Variants in ARMC2 observed in about 807,000 individuals in gnomAD.
ARMC2 encodes the protein armadillo repeat containing 2, also known as armadillo repeat-containing protein 2.
ARMC2 carries 67 observed loss-of-function variants against 90.3 expected under a neutral mutation model. That is an observed-to-expected ratio of 0.74 (90% confidence interval 0.61 to 0.91). The LOEUF (loss-of-function observed/expected upper bound fraction) is 0.91. ARMC2 is among the 40% of genes least tolerant of loss of function. ARMC2 has a pLI of 0.00. For synonymous variants in ARMC2, 393 were observed against 393.0 expected, an observed-to-expected ratio of 1.00 and a Z score of 0.00; for missense variants, 920 against 1,030.9, an observed-to-expected ratio of 0.89 and a Z score of 1.47.
At chr6:109,016,476 A>G in the ARMC2 span, among the ~76,000 whole-genome samples, 1 of 152,138 alleles carries the variant, frequency 6.6e-6, no homozygotes, top group Non-Finnish European at 1.5e-5. Flanking sequence ...TTGCTTTCCA[A>G]GAGGGTATTA....
At chr6:108,984,716 A>C in the ARMC2 span, among the ~76,000 whole-genome samples, 1 of 152,178 alleles carries the variant, frequency 6.6e-6, no homozygotes, top group Non-Finnish European at 1.5e-5. Context: ...ATTCATTGTT[A>C]GTGTATAGAA....
chr6:109,015,474 G>C, the ARMC2 span, among the ~76,000 whole-genome samples: 1 of 152,180 alleles, frequency 6.6e-6, no homozygotes, highest in Non-Finnish European at 1.5e-5. Flanking sequence ...TTGTAACCAA[G>C]TTTGGCTTTA....
the ARMC2 span, among the ~76,000 whole-genome samples, chr6:108,980,816 G>A: frequency 7.2e-5 from 11 of 152,132 alleles, no homozygotes; most frequent in African/African-American, 1.9e-4. Flanking sequence ...CTTGAACCTC[G>A]GAGGTGGAGG....
At chr6:109,052,962 T>C in the ARMC2 span, among the ~76,000 whole-genome samples, 1 of 152,134 alleles carries the variant, frequency 6.6e-6, no homozygotes, top group Non-Finnish European at 1.5e-5. Flanking sequence ...ATCAATAAAG[T>C]AATTGAAAGT....
chr6:108,875,212 A>G lies in ARMC2; in HGVS notation c.464-931A>G, dbSNP rs73524098. Among the ~76,000 whole-genome samples the G allele has an allele frequency of 5.4e-3, 820 of 152,308 alleles. 6 individuals carry two copies. The highest frequency in any genetic ancestry group is 0.019 in the African/African-American group (780 of 41,550). ...GGAAATGTTATATTATTATATGTCT[A>G]AGAATCTGCAGTCATGAGCAAAAAG... is the stretch of plus-strand genomic sequence containing the variant. On this transcript the variant is annotated intron_variant, in intron 4 of 17. Coordinates refer to ENST00000392644, the MANE Select transcript of ARMC2 (RefSeq NM_032131.6).
At chr6:108,994,296 T>G in the ARMC2 span, among the ~76,000 whole-genome samples, 7 of 152,292 alleles carry the variant, frequency 4.6e-5, no homozygotes, top group East Asian at 3.9e-4. Context: ...TATGACCTTT[T>G]CTTAGTTGCT....
chr6:108,900,959 T>C (rs922969149), intron 7 of ARMC2, among the ~76,000 whole-genome samples: 2 of 152,182 alleles, frequency 1.3e-5, no homozygotes, highest in Non-Finnish European at 2.9e-5. Flanking sequence ...TCAGGAGATA[T>C]GTGCAAACAC....
the ARMC2 span, among the ~76,000 whole-genome samples, chr6:108,991,296 C>T: frequency 3.3e-5 from 5 of 151,984 alleles, no homozygotes. Context: ...GGCTAGAGTA[C>T]AATGGTATGA....
intron 3 of ARMC2, among the ~76,000 whole-genome samples, chr6:108,861,743 G>A (rs914509380): frequency 2.0e-5 from 3 of 152,180 alleles, no homozygotes; most frequent in Non-Finnish European, 4.4e-5. Context: ...ACCCAGTTCG[G>A]CAGCTCGGTG....
chr6:108,873,997 C>G (rs2128435674), intron 4 of ARMC2, among the ~76,000 whole-genome samples: 1 of 152,328 alleles, frequency 6.6e-6, no homozygotes, highest in African/African-American at 2.4e-5. Context: ...TAACAGGTAT[C>G]AAATAAATAT....
the ARMC2 span, among the ~76,000 whole-genome samples, chr6:109,018,362 G>A: frequency 6.6e-6 from 1 of 152,200 alleles, no homozygotes; most frequent in Non-Finnish European, 1.5e-5. Flanking sequence ...ATGTATAAAT[G>A]TGTCAGTGAT....
At chr6:108,998,937 GAACTT>G in the ARMC2 span, 5 of 548,408 alleles carry the variant, frequency 9.1e-6, no homozygotes, top group African/African-American at 9.6e-5. Context: ...TTCACAAATA[GAACTT>G]AACATAATCT....
chr6:108,964,926 A>G (rs1778258611), intron 16 of ARMC2, 54 bp from the exon 17 acceptor site: 4 of 1,335,204 alleles, frequency 3.0e-6, no homozygotes, highest in Non-Finnish European at 4.2e-6. Context: ...CAATATTAAA[A>G]TTAAAGACAG....
chr6:109,027,850 G>T, the ARMC2 span, among the ~76,000 whole-genome samples: 1 of 151,876 alleles, frequency 6.6e-6, no homozygotes, highest in Admixed American at 6.6e-5. Context: ...TGTGCTTATT[G>T]GTCATTTAAA....
At chr6:109,015,944 T>G in the ARMC2 span, among the ~76,000 whole-genome samples, 1 of 152,214 alleles carries the variant, frequency 6.6e-6, no homozygotes, top group African/African-American at 2.4e-5. Context: ...GGCCAAGAAC[T>G]GGTTTAGTAT....
At chr6:108,886,535 C>G (rs1778123015) in intron 5 of ARMC2, among the ~76,000 whole-genome samples, 1 of 152,210 alleles carries the variant, frequency 6.6e-6, no homozygotes, top group African/African-American at 2.4e-5. Context: ...CACACCACTG[C>G]ACTCCAGCCT....
rs187313368 is a variant in ARMC2 at position 108,892,461 on chromosome 6, A to G, written c.672-2006A>G. ...ATTAAAGGAAGTGTTAAGTGTTTAA[A>G]AAAAAAATGGGGTGGCTGGTGGGCG... is the stretch of plus-strand genomic sequence containing the variant. On this transcript the variant is annotated intron_variant, in intron 5 of 17. Transcript: ENST00000392644. 3.4e-4 allele frequency among the ~76,000 whole-genome samples: 51 copies of G among 152,126 alleles called. No homozygotes were observed. The East Asian group carries it at 9.3e-3, about 28-fold the overall frequency.
intron 5 of ARMC2, among the ~76,000 whole-genome samples, chr6:108,888,601 A>T (rs1320647580): frequency 6.6e-6 from 1 of 152,222 alleles, no homozygotes. Context: ...ACATAAGTCC[A>T]TCTATTCTTC....
chr6:108,869,185 C>G (rs1300767410), intron 4 of ARMC2, among the ~76,000 whole-genome samples, 190 bp downstream of exon 4: 1 of 152,092 alleles, frequency 6.6e-6, no homozygotes, highest in Non-Finnish European at 1.5e-5. Flanking sequence ...TAAGGAATAC[C>G]TAAATATTAC....
Sources: allele counts gnomAD v4.1 joint callset (sites outside exome capture counted in the v4.1 genomes callset), GRCh38; gene constraint gnomAD v4.1.1; transcripts MANE v1.5; gene names NCBI Gene and HGNC (gene_info 2026-07-23, HGNC 2026-07-21).